The following OXR1 variants were observed in gnomAD, a reference collection of about 807,000 sequenced individuals.
The protein encoded by OXR1 is oxidation resistance 1, also known as oxidation resistance protein 1.
Under a neutral mutation model 104.6 loss-of-function variants are expected in OXR1, and 41 were observed. That is an observed-to-expected ratio of 0.39 (90% CI 0.31 to 0.51). The LOEUF is 0.51. OXR1 is among the 20% of genes least tolerant of loss of function. The pLI is 0.77. For missense variants in OXR1, 955 were observed against 1,031.9 expected, an observed-to-expected ratio of 0.93 and a Z score of 1.02; for synonymous variants, 348 against 348.4, an observed-to-expected ratio of 1.00 and a Z score of 0.01.
intron 3 of OXR1, among the ~76,000 whole-genome samples, chr8:106,542,548 A>G (rs1043235765): frequency 6.6e-6 from 1 of 152,166 alleles, no homozygotes; most frequent in Non-Finnish European, 1.5e-5. Flanking sequence ...TGCATATATC[A>G]CATATATGCA....
rs752551684 is a variant in OXR1, at chr8:106,291,599, A to G, written c.-139+21232A>G. On this transcript the variant is annotated intron_variant, in intron 1 of 16. Transcript: ENST00000517566. ...GGTCAATCACAGTCTGAAAATATTA[A>G]ATGGAAAATTCTATACATAAATTTC... is the stretch of plus-strand genomic sequence containing the variant. 5.3e-5 allele frequency among the ~76,000 whole-genome samples: 8 copies of G among 152,210 alleles called. 1 individual carries two copies. The highest frequency in any genetic ancestry group is 3.3e-4 in the Admixed American group (5 of 15,280).
At chr8:106,334,306 C>A (rs1344934750) in intron 1 of OXR1, among the ~76,000 whole-genome samples, 2 of 152,116 alleles carry the variant, frequency 1.3e-5, no homozygotes, top group Non-Finnish European at 2.9e-5. Context: ...GTGAATTGAT[C>A]TTGTGTCCTC....
chr8:106,312,494 G>A (rs1023962469), intron 1 of OXR1, among the ~76,000 whole-genome samples: 12 of 152,166 alleles, frequency 7.9e-5, no homozygotes, highest in African/African-American at 2.7e-4. Flanking sequence ...TACAGAGATA[G>A]GCTAGTCAAT....
At chr8:106,587,196 CT>C (rs369229194) in intron 3 of OXR1, among the ~76,000 whole-genome samples, 79 of 151,896 alleles carry the variant, frequency 5.2e-4, no homozygotes, top group African/African-American at 1.9e-3. Flanking sequence ...GTAGAAGCAT[CT>C]GAGAAGGTTG....
intron 4 of OXR1, among the ~76,000 whole-genome samples, chr8:106,680,711 T>A (rs1207538237): frequency 6.6e-6 from 1 of 152,184 alleles, no homozygotes; most frequent in Non-Finnish European, 1.5e-5. Flanking sequence ...CTTTATAAAC[T>A]ACGTGGAGTG....
intron 7 of OXR1, among the ~76,000 whole-genome samples, chr8:106,702,093 C>T (rs182008865): frequency 1.3e-5 from 2 of 152,224 alleles, no homozygotes; most frequent in Non-Finnish European, 2.9e-5. Context: ...CCTAAGCCTC[C>T]CAAGTAGCTG....
At chr8:106,604,796 AG>A (rs1820242952) in intron 3 of OXR1, 1 of 152,192 alleles carries the variant, frequency 6.6e-6, no homozygotes, top group Admixed American at 6.5e-5. Flanking sequence ...GTCTGCAAAA[AG>A]TTTATGTAAT....
chr8:106,383,729 G>C (rs1477105907), intron 2 of OXR1, among the ~76,000 whole-genome samples: 1 of 152,096 alleles, frequency 6.6e-6, no homozygotes, highest in Non-Finnish European at 1.5e-5. Flanking sequence ...CATACCATAG[G>C]AATTAACTTC....
chr8:106,629,223 T>A (rs1822454602), intron 3 of OXR1, among the ~76,000 whole-genome samples: 1 of 152,068 alleles, frequency 6.6e-6, no homozygotes, highest in Non-Finnish European at 1.5e-5. Context: ...TTGTGTTAAG[T>A]CTGCTATTCA....
intron 3 of OXR1, among the ~76,000 whole-genome samples, chr8:106,549,246 T>TC: frequency 6.9e-6 from 1 of 144,660 alleles, no homozygotes. Context: ...TATCAAACAT[T>TC]TTTTTTTTTT....
intron 1 of OXR1, among the ~76,000 whole-genome samples, chr8:106,309,764 TAAA>T (rs1335909433): frequency 2.0e-5 from 3 of 150,616 alleles, no homozygotes; most frequent in Admixed American, 6.6e-5. Flanking sequence ...AATTTTAAAA[TAAA>T]AATATATATA....
Position 106,413,513 on chromosome 8 carries a change from T to C in OXR1, c.23+53877T>C, listed in dbSNP as rs371306459. Among the ~76,000 whole-genome samples, 38 of 152,264 alleles carry C rather than the reference T, an allele frequency of 2.5e-4. No individual in the cohort carries two copies. In the South Asian group the frequency reaches 7.9e-3, roughly 32 times the overall value. On this transcript the variant is annotated intron_variant, in intron 2 of 16. Coordinates refer to ENST00000517566, the MANE Select transcript of OXR1 (RefSeq NM_001198533.2). The stretch of plus-strand genomic sequence containing the variant: ...AACATTTGTTAAGATGAATAAGAGC[T>C]AAGTAAGACACATTTTCAGTAACAC...
intron 7 of OXR1, chr8:106,698,086 C>T: frequency 1.0e-6 from 1 of 953,944 alleles, no homozygotes; most frequent in Non-Finnish European, 1.7e-6. Flanking sequence ...AAGGCAATGG[C>T]TGCAGCTGCC....
At chr8:106,338,669 T>A (rs546239489) in intron 1 of OXR1, among the ~76,000 whole-genome samples, 64 of 152,266 alleles carry the variant, frequency 4.2e-4, no homozygotes, top group African/African-American at 1.4e-3. Context: ...GAGCTCTCAT[T>A]CTTTTTTATA....
At chr8:106,621,797 A>C (rs1821726598) in intron 3 of OXR1, among the ~76,000 whole-genome samples, 1 of 152,204 alleles carries the variant, frequency 6.6e-6, no homozygotes, top group South Asian at 2.1e-4. Context: ...CTTGAAAATT[A>C]TATTTTTCTA....
chr8:106,359,662 AATG>A, intron 2 of OXR1, 26 bp downstream of exon 2: 1 of 1,503,332 alleles, frequency 6.7e-7, no homozygotes, highest in Non-Finnish European at 9.1e-7. Context: ...TCTTGCCTTA[AATG>A]TAAATGAAAA....
intron 3 of OXR1, among the ~76,000 whole-genome samples, chr8:106,542,351 G>A (rs1815020206): frequency 6.6e-6 from 1 of 151,944 alleles, no homozygotes; most frequent in Non-Finnish European, 1.5e-5. Flanking sequence ...ACTTGACTGG[G>A]GAAAACACTC....
chr8:106,350,131 C>G (rs1333321840), intron 1 of OXR1, among the ~76,000 whole-genome samples: 1 of 152,080 alleles, frequency 6.6e-6, no homozygotes, highest in Non-Finnish European at 1.5e-5. Context: ...CAGTAAGAGG[C>G]AGACATGAAA....
chr8:106,750,699 T>C (rs762073085), intron 16 of OXR1, 107 bp from the exon 17 acceptor site: 8 of 769,432 alleles, frequency 1.0e-5, no homozygotes, highest in Non-Finnish European at 1.6e-5. Context: ...TAGGGAAGGA[T>C]TTGAGAAAAT....
Sources: gnomAD v4.1 joint callset for allele counts (sites outside exome capture counted in the v4.1 genomes callset) on GRCh38, gnomAD v4.1.1 for gene constraint, MANE v1.5 for transcripts, NCBI Gene and HGNC (gene_info 2026-07-23, HGNC 2026-07-21) for gene names.